Variants in RCHY1 observed in about 807,000 individuals in gnomAD.
RCHY1 encodes the protein RING finger and CHY zinc finger domain-containing protein 1.
In RCHY1, 21 loss-of-function variants were observed where a neutral mutation model predicts 41.6. The observed-to-expected ratio is 0.51, with a 90% CI of 0.36 to 0.73. The LOEUF is 0.73. RCHY1 is among the 30% of genes least tolerant of loss of function. The pLI, the probability that RCHY1 is intolerant of heterozygous loss-of-function variation, is 0.00. For synonymous variants in RCHY1, 79 were observed against 102.9 expected (o/e 0.77, Z 1.41); for missense variants, 265 against 325.3 (o/e 0.81, Z 1.43).
intron 3 of RCHY1, among the ~76,000 whole-genome samples, chr4:75,501,323 A>G (rs1218919795): frequency 1.3e-5 from 2 of 152,170 alleles, no homozygotes; most frequent in Non-Finnish European, 2.9e-5. Context: ...TAATATTTTT[A>G]TTATCTAAAA....
At chr4:75,486,676 T>C (rs971814301) in intron 8 of RCHY1, among the ~76,000 whole-genome samples, 2 of 152,092 alleles carry the variant, frequency 1.3e-5, no homozygotes, top group Admixed American at 6.5e-5. Flanking sequence ...ACAAGCAAGA[T>C]ATACTTTTGG....
chr4:75,509,966 G>A (rs1724715374), intron 1 of RCHY1, among the ~76,000 whole-genome samples: 1 of 152,104 alleles, frequency 6.6e-6, no homozygotes, highest in Non-Finnish European at 1.5e-5. Context: ...AGCCTAAACA[G>A]CAAACAGGCA....
Position 75,491,946 on chromosome 4 carries a change from G to C in RCHY1, c.406-13C>G, listed in dbSNP as rs1216417852. The C allele has an allele frequency of 4.5e-6, 7 of 1,572,472 alleles. No homozygotes were observed. Among genetic ancestry groups the C allele is most frequent in the Admixed American group, 1.9e-5 (1 of 51,686 alleles). ...CATTTTCAATACACTGTTTAAAAGA[G>C]AAATTCACATTAACAAAAGCTTAAC... On this transcript the variant is annotated splice_polypyrimidine_tract_variant and intron_variant, in intron 4 of 8. Coordinates refer to ENST00000324439, the MANE Select transcript of RCHY1 (RefSeq NM_015436.4).
At chr4:75,491,047 T>G (rs1722703579) in intron 7 of RCHY1, 1 of 168,406 alleles carries the variant, frequency 5.9e-6, no homozygotes, top group African/African-American at 2.4e-5. Flanking sequence ...GAGACTGTAT[T>G]TGTTTAAAAT....
intron 8 of RCHY1, among the ~76,000 whole-genome samples, chr4:75,486,535 C>CA (rs1303355745): frequency 1.3e-5 from 2 of 151,690 alleles, no homozygotes; most frequent in African/African-American, 4.8e-5. Context: ...AATACTGATA[C>CA]AAAACAGTTC....
intron 1 of RCHY1, 63 bp downstream of exon 1, chr4:75,514,134 C>T (rs753720281): frequency 6.4e-7 from 1 of 1,570,600 alleles, no homozygotes; most frequent in Admixed American, 1.7e-5. Flanking sequence ...TAACCACCTG[C>T]CCAGCCCGCC....
chr4:75,486,872 G>A (rs1006063616), intron 8 of RCHY1, among the ~76,000 whole-genome samples: 17 of 152,174 alleles, frequency 1.1e-4, no homozygotes, highest in South Asian at 4.1e-4. Flanking sequence ...CCAGCTACTC[G>A]GGAGGCTGAG....
At chr4:75,508,236 G>A (rs921090822) in intron 3 of RCHY1, among the ~76,000 whole-genome samples, 3 of 151,962 alleles carry the variant, frequency 2.0e-5, no homozygotes, top group Admixed American at 6.5e-5. Context: ...TCCTAAACTC[G>A]GTGGCTTATT....
At chr4:75,485,247 T>C (rs985513968) in intron 8 of RCHY1, among the ~76,000 whole-genome samples, 4 of 152,230 alleles carry the variant, frequency 2.6e-5, no homozygotes, top group African/African-American at 9.6e-5. Context: ...AAGAACGCTG[T>C]CTTTCCCCTA....
rs1449298923 is a variant in RCHY1 at position 75,479,074 on chromosome 4, A to G, written c.*3464T>C. ...AATAAACTTTACTGATCTATTACAC[A>G]GAATGGTGAGTATAATAAATAATGC... On this transcript the variant is annotated 3_prime_UTR_variant, in exon 9 of 9. Transcript: ENST00000324439. 1 of 152,174 alleles carries G rather than the reference A, an allele frequency of 6.6e-6. No homozygotes were observed. Among genetic ancestry groups the G allele is most frequent in the Middle Eastern group, 3.2e-3 (1 of 316 alleles). The allele number at this position is 152,174 out of a possible 1,614,324, so 9.4% of individuals were successfully genotyped here.
At chr4:75,494,950 T>C (rs997072421) in intron 3 of RCHY1, among the ~76,000 whole-genome samples, 12 of 151,984 alleles carry the variant, frequency 7.9e-5, no homozygotes, top group Non-Finnish European at 1.2e-4. Context: ...CTTGGATTTC[T>C]CTGTGGATTG....
chr4:75,502,097 G>T (rs1321680608), intron 3 of RCHY1, among the ~76,000 whole-genome samples: 2 of 151,904 alleles, frequency 1.3e-5, no homozygotes, highest in African/African-American at 4.8e-5. Flanking sequence ...TCTGAGAAGG[G>T]ATTTTGATTA....
At chr4:75,490,888 T>C (rs1722685797) in intron 7 of RCHY1, 187 bp from the exon 8 acceptor site, 1 of 453,046 alleles carries the variant, frequency 2.2e-6, no homozygotes. Flanking sequence ...TCCTGTATAC[T>C]TATTTAAAAC....
At chr4:75,494,393 C>G in intron 3 of RCHY1, 1 of 431,074 alleles carries the variant, frequency 2.3e-6, no homozygotes, top group East Asian at 4.3e-5. Context: ...TTTTCTTTTT[C>G]TATAAAATTG....
intron 1 of RCHY1, among the ~76,000 whole-genome samples, chr4:75,513,285 T>C (rs1223228434): frequency 1.3e-5 from 2 of 152,126 alleles, no homozygotes; most frequent in Non-Finnish European, 2.9e-5. Context: ...GAACAAAAAA[T>C]AATAATACTC....
At chr4:75,495,494 T>C (rs1353137671) in intron 3 of RCHY1, among the ~76,000 whole-genome samples, 5 of 152,054 alleles carry the variant, frequency 3.3e-5, no homozygotes, top group African/African-American at 1.2e-4. Context: ...TACCTGGACG[T>C]TGGGAACAGA....
chr4:75,504,892 A>T (rs1403941431), intron 3 of RCHY1, among the ~76,000 whole-genome samples: 3 of 152,254 alleles, frequency 2.0e-5, no homozygotes, highest in Non-Finnish European at 4.4e-5. Flanking sequence ...CATTATACTT[A>T]AATGGTAAAT....
chr4:75,487,602 CATATATATTCATAAT>C (rs1427245869), intron 8 of RCHY1, among the ~76,000 whole-genome samples: 884 of 30,734 alleles, frequency 0.029, 14 homozygotes, highest in African/African-American at 0.062. Context: ...AATATATATT[CATATATATTCATAAT>C]ATATATATTC....
intron 4 of RCHY1, among the ~76,000 whole-genome samples, chr4:75,493,104 C>T (rs1269470177): frequency 6.6e-6 from 1 of 151,950 alleles, no homozygotes; most frequent in East Asian, 1.9e-4. Flanking sequence ...CTATAAGATA[C>T]TATTGACTCC....
Sources: gnomAD v4.1 joint callset for allele counts (sites outside exome capture counted in the v4.1 genomes callset) on GRCh38, gnomAD v4.1.1 for gene constraint, MANE v1.5 for transcripts, NCBI Gene and HGNC (gene_info 2026-07-23, HGNC 2026-07-21) for gene names.